Variants in ADA observed in about 807,000 individuals in gnomAD.
ADA encodes the protein adenosine deaminase.
Under a neutral mutation model 49.0 loss-of-function variants are expected in ADA, and 45 were observed. The ratio of observed to expected loss-of-function variants is 0.92; its 90% confidence interval spans 0.72 to 1.18. The LOEUF (loss-of-function observed/expected upper bound fraction) is 1.18. Among genes scored for constraint, ADA ranks in the 50% most tolerant of loss-of-function variants. The pLI is 0.00. For missense variants in ADA, 445 were observed against 472.5 expected (o/e 0.94, Z 0.54); for synonymous variants, 173 against 184.2 (o/e 0.94, Z 0.49).
At chr20:44,651,198 A>T (rs2065642256) in intron 1 of ADA, among the ~76,000 whole-genome samples, 1 of 152,218 alleles carries the variant, frequency 6.6e-6, no homozygotes, top group Non-Finnish European at 1.5e-5. Context: ...GGCGCCGGGC[A>T]CAGCACTAGG....
At chr20:44,632,186 G>A (rs1420943739) in intron 2 of ADA, among the ~76,000 whole-genome samples, 1 of 152,130 alleles carries the variant, frequency 6.6e-6, no homozygotes, top group Non-Finnish European at 1.5e-5. Context: ...GGTGGGGGCA[G>A]TTCTGGGCAG....
At chr20:44,640,511 T>C (rs2065522041) in intron 1 of ADA, among the ~76,000 whole-genome samples, 1 of 151,120 alleles carries the variant, frequency 6.6e-6, no homozygotes, top group Non-Finnish European at 1.5e-5. Flanking sequence ...CTACTAAAAA[T>C]ACAAAAGTTA....
chr20:44,626,728 C>T lies in ADA; in HGVS notation c.219-129G>A, dbSNP rs2065386160. The T allele has an allele frequency of 2.2e-5, 26 of 1,165,480 alleles. No homozygotes were observed. In the South Asian group the frequency reaches 3.2e-4, roughly 15 times the overall value. 72.2% of individuals were successfully genotyped at this position (1,165,480 alleles called of 1,614,324 possible). A position where few individuals can be genotyped will look rare whatever the true frequency, so the allele number is the denominator to read the frequency against. Reference sequence around the variant, plus strand: ...CCCCCAGACCCAAGCTCTGGGCATCCACTGGATAAGATCCCAGACACTGGG... The same window carrying T: ...CCCCCAGACCCAAGCTCTGGGCATCTACTGGATAAGATCCCAGACACTGGG... On this transcript the variant is annotated intron_variant, in intron 3 of 11. Coordinates refer to ENST00000372874, the MANE Select transcript of ADA (RefSeq NM_000022.4).
At chr20:44,627,052 CCT>C (rs1406465269) in intron 3 of ADA, among the ~76,000 whole-genome samples, 6 of 152,044 alleles carry the variant, frequency 3.9e-5, no homozygotes, top group African/African-American at 1.2e-4. Context: ...TCCCTCATTC[CCT>C]GAGGCCACCG....
rs2065308561 is a variant in ADA at position 44,619,657 on chromosome 20, G to A, written c.*177C>T. 1 of 775,182 alleles carries A rather than the reference G, an allele frequency of 1.3e-6. No homozygotes were observed. The highest frequency in any genetic ancestry group is 1.7e-5 in the African/African-American group (1 of 57,942). 48.0% of individuals were successfully genotyped at this position (775,182 alleles called of 1,614,324 possible). ...CTGGCCAGGGCACATAATCAGAGAA[G>A]TGACGCGGCCATGCCGAGGTATACG... On this transcript the variant is annotated 3_prime_UTR_variant, in exon 12 of 12. Transcript: ENST00000372874.
intron 2 of ADA, 94 bp from the exon 3 acceptor site, chr20:44,629,263 C>T: frequency 6.4e-7 from 1 of 1,560,708 alleles, no homozygotes; most frequent in Non-Finnish European, 8.8e-7. Context: ...GCGCCAGCCT[C>T]CTTGCAGGAC....
chr20:44,619,625 C>T lies in ADA; in HGVS notation c.*209G>A. 1.6e-6 allele frequency: 1 copy of T among 619,324 alleles called. No individual in the cohort carries two copies. Among genetic ancestry groups the T allele is most frequent in the Non-Finnish European group, 2.9e-6 (1 of 349,288 alleles). The allele number at this position is 619,324 out of a possible 1,614,324, so 38.4% of individuals were successfully genotyped here. A position where few individuals can be genotyped will look rare whatever the true frequency, so the allele number is the denominator to read the frequency against. ...TCAACCATGCCCATGTGCAAGGGCGCTGGTCCCTGGCCAGGGCACATAATC... is the reference window on the plus strand; with the variant it reads ...TCAACCATGCCCATGTGCAAGGGCGTTGGTCCCTGGCCAGGGCACATAATC... On this transcript the variant is annotated 3_prime_UTR_variant, in exon 12 of 12. Transcript: ENST00000372874.
intron 2 of ADA, among the ~76,000 whole-genome samples, chr20:44,630,895 T>C (rs990797180): frequency 6.6e-5 from 10 of 152,090 alleles, no homozygotes; most frequent in African/African-American, 2.4e-4. Flanking sequence ...GCACCTGTAG[T>C]CCCAGCTACT....
chr20:44,640,230 A>G (rs66927768), intron 1 of ADA, among the ~76,000 whole-genome samples: 11,699 of 152,102 alleles, frequency 0.077, 610 homozygotes, highest in Middle Eastern at 0.12. Context: ...CCTGGCCAAC[A>G]TGGTGAAATC....
chr20:44,623,105 G>T (rs749723335), intron 6 of ADA, 27 bp from the exon 7 acceptor site: 3 of 1,613,426 alleles, frequency 1.9e-6, no homozygotes, highest in Non-Finnish European at 2.5e-6. Flanking sequence ...CAGGTCATGG[G>T]TGCCCTAGCG....
At chr20:44,622,782 G>A (rs1289712907) in intron 8 of ADA, 47 bp downstream of exon 8, 2 of 1,614,164 alleles carry the variant, frequency 1.2e-6, no homozygotes, top group Non-Finnish European at 1.7e-6. Context: ...TATACAGGAA[G>A]TTGGGACAGC....
chr20:44,643,007 A>T (rs1346949456), intron 1 of ADA, among the ~76,000 whole-genome samples: 1 of 152,066 alleles, frequency 6.6e-6, no homozygotes, highest in Non-Finnish European at 1.5e-5. Context: ...GGTGTGGAGC[A>T]GAGGCAGGAA....
intron 1 of ADA, among the ~76,000 whole-genome samples, chr20:44,638,068 T>C (rs1319197540): frequency 6.6e-6 from 1 of 152,134 alleles, no homozygotes; most frequent in East Asian, 1.9e-4. Context: ...GGAGTCACAC[T>C]GTATAGAGCA....
intron 1 of ADA, among the ~76,000 whole-genome samples, chr20:44,646,726 G>A (rs375160997): frequency 6.6e-6 from 1 of 152,054 alleles, no homozygotes; most frequent in African/African-American, 2.4e-5. Context: ...TTCAACCCCA[G>A]TACATCTGAA....
intron 2 of ADA, among the ~76,000 whole-genome samples, chr20:44,631,874 G>A (rs1183925057): frequency 6.6e-6 from 1 of 152,122 alleles, no homozygotes; most frequent in Non-Finnish European, 1.5e-5. Context: ...TACCTGTTGA[G>A]AGGCAGGCAT....
intron 2 of ADA, among the ~76,000 whole-genome samples, chr20:44,635,675 G>A (rs2065473151): frequency 6.6e-6 from 1 of 152,162 alleles, no homozygotes; most frequent in African/African-American, 2.4e-5. Flanking sequence ...AAGCTGGGTG[G>A]ATCACTTGAG....
In ADA at chr20:44,647,210, G is replaced by A. The variant is rs550222725; in HGVS notation, c.33+4365C>T. ...GGCACTTTGGGAGGCTGAGGTGGGCGGATCACCTGAAGTCGGGAGTTCGAG... is the reference window on the plus strand; with the variant it reads ...GGCACTTTGGGAGGCTGAGGTGGGCAGATCACCTGAAGTCGGGAGTTCGAG... On this transcript the variant is annotated intron_variant, in intron 1 of 11. Coordinates refer to ENST00000372874, the MANE Select transcript of ADA (RefSeq NM_000022.4). Among the ~76,000 whole-genome samples, 83 of 152,102 alleles carry A rather than the reference G, an allele frequency of 5.5e-4. 1 individual carries two copies. The highest frequency in any genetic ancestry group is 1.9e-3 in the African/African-American group (79 of 41,402).
At chr20:44,644,121 T>A (rs1470048001) in intron 1 of ADA, among the ~76,000 whole-genome samples, 1 of 140,666 alleles carries the variant, frequency 7.1e-6, no homozygotes, top group Non-Finnish European at 1.6e-5. Flanking sequence ...TTCTCCCTGG[T>A]GAGCCTTGGG....
intron 3 of ADA, among the ~76,000 whole-genome samples, chr20:44,628,221 G>T (rs1023463293): frequency 2.0e-5 from 3 of 152,186 alleles, no homozygotes; most frequent in African/African-American, 7.2e-5. Context: ...AGAAGTTCTT[G>T]CATCTTCAGG....
Sources: allele counts gnomAD v4.1 joint callset (sites outside exome capture counted in the v4.1 genomes callset), GRCh38; gene constraint gnomAD v4.1.1; transcripts MANE v1.5; gene names NCBI Gene and HGNC (gene_info 2026-07-23, HGNC 2026-07-21).